SLC43A2: variants seen among roughly 807,000 people sequenced by gnomAD.
SLC43A2 encodes the protein solute carrier family 43 member 2.
In SLC43A2, 38 loss-of-function variants were observed where a neutral mutation model predicts 63.2. The observed-to-expected ratio is 0.60, with a 90% confidence interval of 0.46 to 0.79. SLC43A2 has a LOEUF of 0.79. SLC43A2 is among the 30% of genes least tolerant of loss of function. The pLI, the probability that SLC43A2 is intolerant of heterozygous loss-of-function variation, is 0.00. For missense variants in SLC43A2, 644 were observed against 756.2 expected (o/e 0.85, Z 1.74); for synonymous variants, 322 against 331.0 (o/e 0.97, Z 0.30).
At chr17:1,586,927 A>AGGGGCCCCCCC in intron 9 of SLC43A2, 35 of 1,355,556 alleles carry the variant, frequency 2.6e-5, no homozygotes, top group Non-Finnish European at 3.2e-5. Context: ...TTCCCTGACA[A>AGGGGCCCCCCC]TCCCCCCCAC....
intron 5 of SLC43A2, among the ~76,000 whole-genome samples, chr17:1,595,389 TC>T (rs78279940): frequency 0.11 from 16,823 of 149,866 alleles, 1,613 homozygotes; most frequent in Admixed American, 0.32. Context: ...CAAGTGATCT[TC>T]CCCCCCCAGC....
intron 1 of SLC43A2, chr17:1,628,183 T>G: frequency 3.8e-6 from 1 of 264,408 alleles, no homozygotes; most frequent in Non-Finnish European, 7.1e-6. Flanking sequence ...CACTCCGAGG[T>G]AAACTGAGGC....
intron 11 of SLC43A2, among the ~76,000 whole-genome samples, chr17:1,582,569 C>A (rs2076035975): frequency 6.6e-6 from 1 of 152,190 alleles, no homozygotes; most frequent in African/African-American, 2.4e-5. Flanking sequence ...TACAGCGACC[C>A]CACACACTTC....
intron 5 of SLC43A2, among the ~76,000 whole-genome samples, chr17:1,610,712 T>TA (rs544061998): frequency 6.6e-6 from 1 of 151,090 alleles, no homozygotes; most frequent in Admixed American, 6.6e-5. Context: ...ACCCCATCTG[T>TA]AAAAAATGAA....
At chr17:1,619,855 G>A (rs374811594) in intron 2 of SLC43A2, among the ~76,000 whole-genome samples, 2 of 152,340 alleles carry the variant, frequency 1.3e-5, no homozygotes, top group East Asian at 3.9e-4. Context: ...TGGGTGACTT[G>A]TGGGGACAGT....
intron 11 of SLC43A2, among the ~76,000 whole-genome samples, chr17:1,581,642 C>T (rs142697364): frequency 2.0e-5 from 3 of 152,292 alleles, no homozygotes; most frequent in East Asian, 1.9e-4. Context: ...GCCACACTTG[C>T]GTCCCTCCAC....
At chr17:1,620,876 C>A (rs1031708782) in intron 2 of SLC43A2, among the ~76,000 whole-genome samples, 1 of 152,058 alleles carries the variant, frequency 6.6e-6, no homozygotes, top group Non-Finnish European at 1.5e-5. Flanking sequence ...AGTGCCAAGG[C>A]GTGGGGTGGC....
chr17:1,597,078 T>C (rs1253096030), intron 5 of SLC43A2, among the ~76,000 whole-genome samples: 3 of 151,516 alleles, frequency 2.0e-5, no homozygotes, highest in South Asian at 2.1e-4. Flanking sequence ...TAGCGAGGTA[T>C]GGTGGAACAT....
At chr17:1,618,056 C>A (rs898423065) in intron 2 of SLC43A2, among the ~76,000 whole-genome samples, 22 of 152,348 alleles carry the variant, frequency 1.4e-4, no homozygotes, top group African/African-American at 5.3e-4. Flanking sequence ...CCAATTGCAG[C>A]CCTCTGGCGC....
chr17:1,606,749 T>C lies in SLC43A2; in HGVS notation c.501+6446A>G, dbSNP rs1336044377. 6.6e-6 allele frequency among the ~76,000 whole-genome samples: 1 copy of C among 152,106 alleles called. No individual in the cohort carries two copies. The highest frequency in any genetic ancestry group is 1.5e-5 in the Non-Finnish European group (1 of 68,000). Reference sequence around the variant, plus strand: ...CGGGGGAGGCTGAGGATCCACACCGTGGGGAGTGCTCTGCCCCCATGGAGT... The same window carrying C: ...CGGGGGAGGCTGAGGATCCACACCGCGGGGAGTGCTCTGCCCCCATGGAGT... On this transcript the variant is annotated intron_variant, in intron 5 of 13. Transcript: ENST00000301335. The surrounding 1 kb of genome is among the most constrained non-coding windows in gnomAD (Gnocchi z 4.7).
chr17:1,589,923 C>T (rs1445919673), intron 9 of SLC43A2, among the ~76,000 whole-genome samples: 1 of 152,258 alleles, frequency 6.6e-6, no homozygotes, highest in South Asian at 2.1e-4. Flanking sequence ...CTGGCCTAGA[C>T]TACCATTTTC....
In SLC43A2 at chr17:1,572,139, C is replaced by T. The variant is rs1222116126; in HGVS notation, c.*3465G>A. ...CCCAAGTACCCATCAGCCTCCAGGG[C>T]CCAAATGATTCCATGCAGTAGCTCT... On this transcript the variant is annotated 3_prime_UTR_variant, in exon 14 of 14. Transcript: ENST00000301335. 6.5e-6 allele frequency: 1 copy of T among 152,686 alleles called. No individual in the cohort carries two copies. The highest frequency in any genetic ancestry group is 1.5e-5 in the Non-Finnish European group (1 of 68,436). The allele number at this position is 152,686 out of a possible 1,614,324, so 9.5% of individuals were successfully genotyped here.
chr17:1,604,144 G>A (rs950361801), intron 5 of SLC43A2, among the ~76,000 whole-genome samples: 31 of 152,224 alleles, frequency 2.0e-4, no homozygotes, highest in Admixed American at 5.2e-4. Flanking sequence ...TGGTTCAAGC[G>A]ATTCTCCTGC....
Position 1,586,048 on chromosome 17 carries a change from C to G in SLC43A2, c.1082G>C (p.Gly361Ala). 1 of 1,592,150 alleles carries G rather than the reference C, an allele frequency of 6.3e-7. No homozygotes were observed. Among genetic ancestry groups the G allele is most frequent in the South Asian group, 1.1e-5 (1 of 88,480 alleles). ...CACGCCGAAGATGGAGGTGTAGAGG[C>G]CAACTGTGGAGGAAGGCGCTGCGTC... is the stretch of plus-strand genomic sequence containing the variant. ...FLVSGDQKTVGLYTSIFGVLQ... is the reference protein window; with the variant it reads ...FLVSGDQKTVALYTSIFGVLQ... The change falls in exon 10 of 14, where the codon GGC becomes GCC. Residue 361 changes from glycine (G) to alanine (A), a missense_variant. Around this residue, in one of 3 missense-constraint regions of SLC43A2, gnomAD observed 528 missense variants for 623.6 expected, o/e 0.85. Transcript: ENST00000301335.
In SLC43A2 at chr17:1,605,064, A is replaced by C; in HGVS notation, c.501+8131T>G. The C allele has an allele frequency of 4.5e-6, 4 of 895,158 alleles. No individual in the cohort carries two copies. Among genetic ancestry groups the C allele is most frequent in the Non-Finnish European group, 4.6e-6 (3 of 655,872 alleles). 55.5% of individuals were successfully genotyped at this position (895,158 alleles called of 1,614,324 possible). On this transcript the variant is annotated intron_variant, in intron 5 of 13. Coordinates refer to ENST00000301335, the MANE Select transcript of SLC43A2 (RefSeq NM_152346.3). The surrounding 1 kb of genome is among the most constrained non-coding windows in gnomAD (Gnocchi z 4.9). ...AGCAGGAAGCCGGAGCTGTTTCCTGACTCACCACCACACTCACAGGTGGGA... is the reference window on the plus strand; with the variant it reads ...AGCAGGAAGCCGGAGCTGTTTCCTGCCTCACCACCACACTCACAGGTGGGA...
chr17:1,584,234 G>A (rs2076066501), intron 10 of SLC43A2, among the ~76,000 whole-genome samples: 1 of 152,030 alleles, frequency 6.6e-6, no homozygotes, highest in South Asian at 2.1e-4. Flanking sequence ...AACGATTACC[G>A]ATCCCAGTCT....
At position 1,614,396 on chromosome 17, in the gene SLC43A2, G is replaced by A. The variant is rs145737398; in HGVS notation, c.424+583C>T. Reference sequence around the variant, plus strand: ...ACTGCACTCCAGCCAGGGTGACAGAGAGAGACCCTGTCTCTAAAACAAAAC... The same window carrying A: ...ACTGCACTCCAGCCAGGGTGACAGAAAGAGACCCTGTCTCTAAAACAAAAC... On this transcript the variant is annotated intron_variant, in intron 4 of 13. Coordinates refer to ENST00000301335, the MANE Select transcript of SLC43A2 (RefSeq NM_152346.3). Among the ~76,000 whole-genome samples, 940 of 150,006 alleles carry A rather than the reference G, an allele frequency of 6.3e-3. 14 individuals carry two copies. The highest frequency in any genetic ancestry group is 6.9e-3 in the Non-Finnish European group (468 of 67,468).
chr17:1,627,669 A>C, intron 2 of SLC43A2, 46 bp downstream of exon 2: 13 of 1,127,252 alleles, frequency 1.2e-5, no homozygotes, highest in African/African-American at 1.9e-5. Flanking sequence ...CCCCTCCCAA[A>C]GCCCCAGCTC....
chr17:1,618,573 C>T (rs1000744327), intron 2 of SLC43A2, among the ~76,000 whole-genome samples: 3 of 152,240 alleles, frequency 2.0e-5, no homozygotes, highest in Admixed American at 6.5e-5. Flanking sequence ...AGCGCAAAGA[C>T]ATGTCTAATC....
Sources: gnomAD v4.1 joint callset for allele counts (sites outside exome capture counted in the v4.1 genomes callset) on GRCh38, gnomAD v4.1.1 for gene constraint, gnomAD v4.1.1 regional missense constraint, Gnocchi (gnomAD v3.1) non-coding constraint, MANE v1.5 for transcripts, NCBI Gene and HGNC (gene_info 2026-07-23, HGNC 2026-07-21) for gene names.